VPS41: variants seen among roughly 807,000 people sequenced by gnomAD.
VPS41 encodes the protein VPS41 subunit of HOPS complex, also known as vacuolar protein sorting-associated protein 41 homolog.
In VPS41, 85 loss-of-function variants were observed where a neutral mutation model predicts 130.9. The ratio of observed to expected loss-of-function variants is 0.65; its 90% CI spans 0.55 to 0.78. VPS41 has a LOEUF of 0.78. Ranked by LOEUF, VPS41 falls within the 30% of genes least tolerant of loss-of-function variation. The probability of loss-of-function intolerance (pLI) is 0.00; values close to 1 mark genes in which losing one functional copy is unlikely to be tolerated. For synonymous variants in VPS41, 335 were observed against 332.9 expected, an observed-to-expected ratio of 1.01 and a Z score of -0.07; for missense variants, 874 against 1,018.7, an observed-to-expected ratio of 0.86 and a Z score of 1.93.
intron 25 of VPS41, among the ~76,000 whole-genome samples, chr7:38,731,729 C>T (rs1225161408): frequency 6.6e-6 from 1 of 152,048 alleles, no homozygotes; most frequent in Non-Finnish European, 1.5e-5. Context: ...TGCTCTTGAT[C>T]TGAGCACTAT....
intron 22 of VPS41, 124 bp from the exon 23 acceptor site, chr7:38,745,737 A>C: frequency 1.3e-6 from 1 of 769,344 alleles, no homozygotes; most frequent in Non-Finnish European, 2.2e-6. Context: ...AAAACAAAGC[A>C]AACAAATAAA....
At chr7:38,860,219 C>T (rs561835920) in intron 4 of VPS41, among the ~76,000 whole-genome samples, 22 of 152,236 alleles carry the variant, frequency 1.4e-4, no homozygotes, top group African/African-American at 4.6e-4. Flanking sequence ...AAAGGGGTTG[C>T]TTCAACAAAC....
chr7:38,789,286 C>T (rs1444175898), intron 10 of VPS41, among the ~76,000 whole-genome samples: 2 of 152,004 alleles, frequency 1.3e-5, no homozygotes, highest in Non-Finnish European at 1.5e-5. Context: ...ATCACTGGAA[C>T]CCGTGACAAG....
intron 5 of VPS41, among the ~76,000 whole-genome samples, chr7:38,824,192 A>G (rs1341811726): frequency 1.3e-5 from 2 of 152,206 alleles, no homozygotes; most frequent in Non-Finnish European, 2.9e-5. Context: ...CATGTACTGC[A>G]TGGTCTTGTG....
intron 27 of VPS41, among the ~76,000 whole-genome samples, chr7:38,727,392 C>T (rs1476867079): frequency 6.6e-6 from 1 of 152,194 alleles, no homozygotes; most frequent in Non-Finnish European, 1.5e-5. Context: ...GACTCAGAGG[C>T]GGACCTGGGT....
intron 3 of VPS41, among the ~76,000 whole-genome samples, chr7:38,863,052 A>T (rs1786155218): frequency 6.6e-6 from 1 of 152,240 alleles, no homozygotes; most frequent in African/African-American, 2.4e-5. Context: ...ACATACACAA[A>T]CAACAAATTA....
chr7:38,870,161 G>C (rs780758200), intron 2 of VPS41, among the ~76,000 whole-genome samples: 3 of 152,180 alleles, frequency 2.0e-5, no homozygotes, highest in Non-Finnish European at 2.9e-5. Context: ...CACTTGCGGG[G>C]ATGGAGTGAC....
intron 10 of VPS41, among the ~76,000 whole-genome samples, chr7:38,782,711 C>T (rs1784374149): frequency 6.6e-6 from 1 of 152,186 alleles, no homozygotes; most frequent in African/African-American, 2.4e-5. Context: ...CGATAGCATA[C>T]ACACCATCAG....
chr7:38,728,535 T>G lies in VPS41; in HGVS notation c.2404+7A>C. On this transcript the variant is annotated splice_region_variant and intron_variant, in intron 27 of 28. Coordinates refer to ENST00000310301, the MANE Select transcript of VPS41 (RefSeq NM_014396.4). The stretch of plus-strand genomic sequence containing the variant: ...GTTTGGGATTTTTTTGGGGAAAACC[T>G]TCTTACCTGATGGAAGAATAGGGGA... 1 of 1,614,184 alleles carries G rather than the reference T, an allele frequency of 6.2e-7. No individual in the cohort carries two copies.
chr7:38,782,618 A>T (rs1391063031), intron 10 of VPS41, among the ~76,000 whole-genome samples: 3 of 152,164 alleles, frequency 2.0e-5, no homozygotes, highest in African/African-American at 7.2e-5. Context: ...GCTGTTATAC[A>T]TGTTTTAATA....
At chr7:38,905,643 G>A (rs574267935) in intron 1 of VPS41, among the ~76,000 whole-genome samples, 2 of 152,246 alleles carry the variant, frequency 1.3e-5, no homozygotes, top group Admixed American at 6.5e-5. Flanking sequence ...CAACACTCAC[G>A]AAAGATAATG....
At chr7:38,751,714 T>C (rs1049513952) in intron 22 of VPS41, among the ~76,000 whole-genome samples, 11 of 152,086 alleles carry the variant, frequency 7.2e-5, no homozygotes, top group Non-Finnish European at 1.3e-4. Context: ...AAGAAAAACA[T>C]AGGGTAGACA....
At chr7:38,782,613 T>C (rs1007375715) in intron 10 of VPS41, among the ~76,000 whole-genome samples, 15 of 152,180 alleles carry the variant, frequency 9.9e-5, no homozygotes, top group Non-Finnish European at 2.1e-4. Flanking sequence ...ATATTGCTGT[T>C]ATACATGTTT....
intron 7 of VPS41, among the ~76,000 whole-genome samples, chr7:38,816,165 T>C (rs1171135614): frequency 3.3e-5 from 5 of 152,170 alleles, no homozygotes; most frequent in Admixed American, 3.3e-4. Context: ...GAATGTGAGA[T>C]TAGGTCTGTA....
At chr7:38,896,565 T>C (rs1456119223) in intron 2 of VPS41, among the ~76,000 whole-genome samples, 1 of 152,226 alleles carries the variant, frequency 6.6e-6, no homozygotes, top group African/African-American at 2.4e-5. Context: ...TTTTTTTAGC[T>C]CATCAGCTAT....
At chr7:38,823,226 G>T (rs1391859988) in intron 5 of VPS41, among the ~76,000 whole-genome samples, 1 of 152,154 alleles carries the variant, frequency 6.6e-6, no homozygotes, top group Admixed American at 6.5e-5. Flanking sequence ...ATAGCTTGAG[G>T]TGACTAGCTA....
At chr7:38,830,168 T>G in intron 5 of VPS41, 86 bp downstream of exon 5, 1 of 811,692 alleles carries the variant, frequency 1.2e-6, no homozygotes, top group Non-Finnish European at 2.2e-6. Context: ...ATTGTCTTAA[T>G]GCAGTTATAT....
rs35793691 is a variant in VPS41, at chr7:38,776,512, G to A, written c.882+167C>T. ...AAGGCAGGCAATGAGTAGAGTTTCC[G>A]GAAAGTAAATATGTCAGGTCTAAAG... is the stretch of plus-strand genomic sequence containing the variant. On this transcript the variant is annotated intron_variant, in intron 11 of 28. Transcript: ENST00000310301. Among the ~76,000 whole-genome samples, 12,321 of 152,100 alleles carry A rather than the reference G, an allele frequency of 0.081. 761 individuals carry two copies. Among genetic ancestry groups the A allele is most frequent in the African/African-American group, 0.17 (7,224 of 41,456 alleles).
chr7:38,840,540 C>T (rs1034343788), intron 4 of VPS41, among the ~76,000 whole-genome samples: 7 of 152,098 alleles, frequency 4.6e-5, no homozygotes, highest in African/African-American at 7.2e-5. Context: ...AATGAATACA[C>T]GCCTAGTCTG....
Sources: gnomAD v4.1 joint callset for allele counts (sites outside exome capture counted in the v4.1 genomes callset) on GRCh38, gnomAD v4.1.1 for gene constraint, MANE v1.5 for transcripts, NCBI Gene and HGNC (gene_info 2026-07-23, HGNC 2026-07-21) for gene names.